CCSER1: variants seen among roughly 807,000 people sequenced by gnomAD.
CCSER1 encodes coiled-coil serine rich protein 1.
In CCSER1, 41 loss-of-function variants were observed where a neutral mutation model predicts 82.0. The observed-to-expected ratio is 0.50, with a 90% CI of 0.39 to 0.65. The LOEUF is 0.65. CCSER1 is among the 30% of genes least tolerant of loss of function. The pLI, the probability that CCSER1 is intolerant of heterozygous loss-of-function variation, is 0.00. For missense variants in CCSER1, 1,119 were observed against 1,064.2 expected (o/e 1.05, Z -0.72); for synonymous variants, 414 against 383.9 (o/e 1.08, Z -0.92).
rs955526346 is a variant in CCSER1, at chr4:91,087,863, T to C, written c.2217+1869T>C. ...TGTAACTACTTACCTTAACTTTCCC[T>C]GTGACTAAGAGGCCTAGTATGTTCT... On this transcript the variant is annotated intron_variant, in intron 10 of 10. Coordinates refer to ENST00000509176, the MANE Select transcript of CCSER1 (RefSeq NM_001145065.2). Among the ~76,000 whole-genome samples, 4 of 152,260 alleles carry C rather than the reference T, an allele frequency of 2.6e-5. No individual in the cohort carries two copies. The East Asian group carries it at 7.7e-4, about 29-fold the overall frequency.
At chr4:91,185,531 C>T (rs775840564) in intron 10 of CCSER1, among the ~76,000 whole-genome samples, 7 of 152,280 alleles carry the variant, frequency 4.6e-5, no homozygotes, top group South Asian at 2.1e-4. Context: ...GCAGTGCTAC[C>T]GGCTGTGGCG....
intron 10 of CCSER1, among the ~76,000 whole-genome samples, chr4:91,236,669 C>T (rs1252923337): frequency 6.6e-6 from 1 of 152,128 alleles, no homozygotes; most frequent in Admixed American, 6.5e-5. Flanking sequence ...TTAAGACATA[C>T]TCTCTAATTT....
intron 9 of CCSER1, among the ~76,000 whole-genome samples, chr4:91,021,014 T>C (rs1173008746): frequency 6.6e-6 from 1 of 152,178 alleles, no homozygotes; most frequent in Non-Finnish European, 1.5e-5. Context: ...AGTTAGTGTC[T>C]TAAAGAAAGG....
At chr4:91,076,271 A>G (rs1721984284) in intron 9 of CCSER1, among the ~76,000 whole-genome samples, 1 of 151,686 alleles carries the variant, frequency 6.6e-6, no homozygotes, top group African/African-American at 2.4e-5. Context: ...TACATTGTTT[A>G]TACAGTACCT....
intron 10 of CCSER1, among the ~76,000 whole-genome samples, chr4:91,480,615 G>A (rs1578573555): frequency 6.6e-6 from 1 of 152,092 alleles, no homozygotes; most frequent in Admixed American, 6.6e-5. Flanking sequence ...ACTTTGTTTT[G>A]CAAGAGCACT....
At position 91,605,189 on chromosome 4, in the gene CCSER1, A is replaced by C. The variant is rs1264048558; in HGVS notation, c.*6132A>C. The C allele has an allele frequency of 6.6e-6, 1 of 152,046 alleles. No homozygotes were observed. The highest frequency in any genetic ancestry group is 1.5e-5 in the Non-Finnish European group (1 of 67,952). 9.4% of individuals were successfully genotyped at this position (152,046 alleles called of 1,614,324 possible). On this transcript the variant is annotated 3_prime_UTR_variant, in exon 11 of 11. Coordinates refer to ENST00000509176, the MANE Select transcript of CCSER1 (RefSeq NM_001145065.2). ...AAAAATAGTGATTTTTATTTAATGA[A>C]AATTTCTCAATTTGGTTAATATTCT...
chr4:90,412,977 A>G (rs1755130043), intron 4 of CCSER1, among the ~76,000 whole-genome samples: 1 of 149,436 alleles, frequency 6.7e-6, no homozygotes, highest in Non-Finnish European at 1.5e-5. Context: ...GTCAGAAATA[A>G]AGAGCATCCA....
At chr4:91,371,052 G>C (rs1253228775) in intron 10 of CCSER1, among the ~76,000 whole-genome samples, 1 of 151,988 alleles carries the variant, frequency 6.6e-6, no homozygotes, top group Non-Finnish European at 1.5e-5. Context: ...AGTGGAGAAG[G>C]GGGTTTCATC....
Position 91,185,423 on chromosome 4 carries a change from C to T in CCSER1, c.2217+99429C>T, listed in dbSNP as rs529822467. Among the ~76,000 whole-genome samples, 276 of 152,292 alleles carry T rather than the reference C, an allele frequency of 1.8e-3. 1 individual carries two copies. Among genetic ancestry groups the T allele is most frequent in the Non-Finnish European group, 2.6e-3 (177 of 68,020 alleles). On this transcript the variant is annotated intron_variant, in intron 10 of 10. Transcript: ENST00000509176. ...ACCTTCCTAAAAGTAATCCTATTGT[C>T]CCTGCTGGCAAGGGTCCTCCACAGA...
intron 10 of CCSER1, among the ~76,000 whole-genome samples, chr4:91,573,398 G>A (rs1159023258): frequency 1.3e-5 from 2 of 152,120 alleles, no homozygotes; most frequent in Non-Finnish European, 2.9e-5. Context: ...GTATACACAG[G>A]GGTGTAACCT....
chr4:91,441,171 A>G (rs1015560142), intron 10 of CCSER1, among the ~76,000 whole-genome samples: 5 of 152,112 alleles, frequency 3.3e-5, no homozygotes, highest in Admixed American at 2.6e-4. Context: ...CAACCAAAAA[A>G]GAGAGTTTTA....
intron 9 of CCSER1, among the ~76,000 whole-genome samples, chr4:91,031,485 T>C (rs1285622027): frequency 6.6e-6 from 1 of 152,170 alleles, no homozygotes; most frequent in Non-Finnish European, 1.5e-5. Flanking sequence ...GACTTACAAA[T>C]GCTTATTCAA....
At position 90,721,607 on chromosome 4, in the gene CCSER1, T is replaced by A. The variant is rs746997419; in HGVS notation, c.1933-2307T>A. Among the ~76,000 whole-genome samples, 5 of 151,810 alleles carry A rather than the reference T, an allele frequency of 3.3e-5. No individual in the cohort carries two copies. In the East Asian group the frequency reaches 9.6e-4, roughly 29 times the overall value. On this transcript the variant is annotated intron_variant, in intron 6 of 10. Transcript: ENST00000509176. ...TTAAAAACATCAAATGTAACTTAAG[T>A]ATTTTATTTAGATATTAAATTGTAT...
intron 1 of CCSER1, among the ~76,000 whole-genome samples, chr4:90,223,741 A>G (rs1742608090): frequency 1.3e-5 from 2 of 152,250 alleles, no homozygotes; most frequent in South Asian, 4.1e-4. Flanking sequence ...AGAAGAAACA[A>G]TATAACGTAA....
At chr4:91,397,735 G>T (rs1752076803) in intron 10 of CCSER1, among the ~76,000 whole-genome samples, 1 of 151,924 alleles carries the variant, frequency 6.6e-6, no homozygotes, top group Admixed American at 6.6e-5. Flanking sequence ...AATTAAATTA[G>T]AAATAAATTC....
intron 10 of CCSER1, among the ~76,000 whole-genome samples, chr4:91,165,771 G>A (rs762107484): frequency 6.6e-6 from 1 of 152,260 alleles, no homozygotes; most frequent in Non-Finnish European, 1.5e-5. Context: ...TATGTCATTT[G>A]CTAAGACCAT....
chr4:90,134,104 T>G (rs1298268349), intron 1 of CCSER1, among the ~76,000 whole-genome samples: 1 of 152,244 alleles, frequency 6.6e-6, no homozygotes, highest in Non-Finnish European at 1.5e-5. Context: ...CTTTATAATG[T>G]TATGTCATGT....
At chr4:90,230,164 A>G (rs1034524517) in intron 1 of CCSER1, among the ~76,000 whole-genome samples, 5 of 152,174 alleles carry the variant, frequency 3.3e-5, no homozygotes, top group Non-Finnish European at 1.5e-5. Context: ...TCAACAGAAT[A>G]TACATTTTTT....
At chr4:90,981,230 C>T (rs772135771) in intron 9 of CCSER1, among the ~76,000 whole-genome samples, 2 of 151,850 alleles carry the variant, frequency 1.3e-5, no homozygotes, top group Admixed American at 6.6e-5. Context: ...TCTTTTCTTC[C>T]CCTTTCCACT....
Sources: allele counts gnomAD v4.1 joint callset (sites outside exome capture counted in the v4.1 genomes callset), GRCh38; gene constraint gnomAD v4.1.1; transcripts MANE v1.5; gene names NCBI Gene and HGNC (gene_info 2026-07-23, HGNC 2026-07-21).